The following CELF4 variants were observed in gnomAD, a reference collection of about 807,000 sequenced individuals.
The protein encoded by CELF4 is CUGBP Elav-like family member 4, also known as CUG-BP- and ETR-3-like factor 4.
In CELF4, 18 loss-of-function variants were observed where a neutral mutation model predicts 59.9. The observed-to-expected ratio is 0.30, with a 90% confidence interval of 0.21 to 0.45. The LOEUF (loss-of-function observed/expected upper bound fraction) is 0.45. Ranked by LOEUF, CELF4 falls within the 20% of genes least tolerant of loss-of-function variation. CELF4 has a pLI of 1.00. For synonymous variants in CELF4, 261 were observed against 267.1 expected (o/e 0.98, Z 0.22); for missense variants, 456 against 689.0 (o/e 0.66, Z 3.79).
chr18:37,253,805 C>A lies in CELF4; in HGVS notation c.*6G>T. 2.5e-6 allele frequency: 4 copies of A among 1,595,438 alleles called. No individual in the cohort carries two copies. Among genetic ancestry groups the A allele is most frequent in the African/African-American group, 1.4e-5 (1 of 73,324 alleles). On this transcript the variant is annotated 3_prime_UTR_variant, in exon 12 of 13. Coordinates refer to ENST00000420428, the MANE Select transcript of CELF4 (RefSeq NM_020180.4). This position sits in a 1 kb window ranked among gnomAD's most constrained non-coding sequence, Gnocchi z 4.5. ...GGTCTCCCCCGGGGGACGCTCCCGCCGGCGCTCAGTACGGGCGATTGGCGT... is the reference window on the plus strand; with the variant it reads ...GGTCTCCCCCGGGGGACGCTCCCGCAGGCGCTCAGTACGGGCGATTGGCGT...
intron 1 of CELF4, among the ~76,000 whole-genome samples, chr18:37,489,827 G>C (rs1025520699): frequency 6.6e-6 from 1 of 152,182 alleles, no homozygotes; most frequent in Non-Finnish European, 1.5e-5. Flanking sequence ...TGAGGCTTGA[G>C]AAGGTCTGTG....
In CELF4 at chr18:37,515,132, G is replaced by T. The variant is rs189597875; in HGVS notation, c.287-29525C>A. Among the ~76,000 whole-genome samples, 776 of 152,270 alleles carry T rather than the reference G, an allele frequency of 5.1e-3. 9 individuals carry two copies. The highest frequency in any genetic ancestry group is 0.018 in the African/African-American group (738 of 41,548). On this transcript the variant is annotated intron_variant, in intron 1 of 12. Transcript: ENST00000420428. ...ACTCTGGGCTTAAATCTGCATGAGA[G>T]CCAATTATCTCTCTTTGTCATCAAG...
chr18:37,250,234 A>C (rs1258585482), intron 12 of CELF4, among the ~76,000 whole-genome samples: 1 of 152,058 alleles, frequency 6.6e-6, no homozygotes, highest in African/African-American at 2.4e-5. Flanking sequence ...TTGCTTAGAG[A>C]AACTCCAGTC....
At chr18:37,468,416 G>A (rs1166414752) in intron 2 of CELF4, among the ~76,000 whole-genome samples, 1 of 152,178 alleles carries the variant, frequency 6.6e-6, no homozygotes, top group Admixed American at 6.5e-5. Context: ...GGCAGGGCAG[G>A]GGTTGGGAAG....
chr18:37,350,794 C>T (rs983706579), intron 2 of CELF4, among the ~76,000 whole-genome samples: 2 of 152,208 alleles, frequency 1.3e-5, no homozygotes, highest in Non-Finnish European at 2.9e-5. Context: ...ACTTAAGACC[C>T]CAGGATTCTG....
intron 10 of CELF4, among the ~76,000 whole-genome samples, chr18:37,261,749 G>A (rs1258959913): frequency 6.6e-6 from 1 of 152,234 alleles, no homozygotes; most frequent in Non-Finnish European, 1.5e-5. Flanking sequence ...AGCCATCCCT[G>A]AGGGCAACCT....
intron 3 of CELF4, among the ~76,000 whole-genome samples, chr18:37,293,418 A>G (rs1462857748): frequency 1.3e-5 from 2 of 152,040 alleles, no homozygotes; most frequent in Non-Finnish European, 2.9e-5. Context: ...CTCTCTCTGT[A>G]TGTTCTGTGT....
At chr18:37,372,434 G>C (rs2098907430) in intron 2 of CELF4, among the ~76,000 whole-genome samples, 2 of 152,180 alleles carry the variant, frequency 1.3e-5, no homozygotes, top group South Asian at 4.1e-4. Flanking sequence ...TGAACAATGA[G>C]AACACTTGGA....
intron 2 of CELF4, among the ~76,000 whole-genome samples, chr18:37,385,663 C>T (rs969816201): frequency 5.9e-5 from 9 of 152,208 alleles, no homozygotes. Flanking sequence ...GGCATGGAGC[C>T]AGCCCTCCCT....
At chr18:37,527,869 T>C (rs945491406) in intron 1 of CELF4, among the ~76,000 whole-genome samples, 10 of 152,188 alleles carry the variant, frequency 6.6e-5, no homozygotes, top group African/African-American at 2.4e-4. Context: ...CTGCATTTGA[T>C]TTCAGGCTGT....
intron 11 of CELF4, among the ~76,000 whole-genome samples, chr18:37,257,673 C>T (rs1002600636): frequency 1.3e-5 from 2 of 152,162 alleles, no homozygotes; most frequent in Non-Finnish European, 2.9e-5. Context: ...TCCCCTCCAC[C>T]ACCCCCAAGC....
chr18:37,259,280 GGGGT>G lies in CELF4; in HGVS notation c.1250-20_1250-17del. The G allele has an allele frequency of 1.0e-6, 1 of 971,630 alleles. No homozygotes were observed. Among genetic ancestry groups the G allele is most frequent in the Non-Finnish European group, 1.6e-6 (1 of 613,900 alleles). 60.2% of individuals were successfully genotyped at this position (971,630 alleles called of 1,614,324 possible). A position where few individuals can be genotyped will look rare whatever the true frequency, so the allele number is the denominator to read the frequency against. ...CCCTCGGGCCCTGCGGTGAGGGGAG[GGGGT>G]GGGCGGGGGAGGAGGGATGGCAGGG... On this transcript the variant is annotated splice_polypyrimidine_tract_variant and intron_variant, in intron 10 of 12. Coordinates refer to ENST00000420428, the MANE Select transcript of CELF4 (RefSeq NM_020180.4).
rs1462071534 is a variant in CELF4 at position 37,309,661 on chromosome 18, C to T, written c.448+12142G>A. On this transcript the variant is annotated intron_variant, in intron 3 of 12. Coordinates refer to ENST00000420428, the MANE Select transcript of CELF4 (RefSeq NM_020180.4). The stretch of plus-strand genomic sequence containing the variant: ...TAGAGGATGAGAAGAGACGACGTCC[C>T]CCAAATGCAGATACTATGCGCGTGT... 3.3e-5 allele frequency among the ~76,000 whole-genome samples: 5 copies of T among 152,106 alleles called. No homozygotes were observed. The South Asian group carries it at 1.0e-3, about 32-fold the overall frequency.
intron 3 of CELF4, among the ~76,000 whole-genome samples, chr18:37,297,328 G>T (rs776021126): frequency 1.3e-5 from 2 of 152,192 alleles, no homozygotes; most frequent in Non-Finnish European, 2.9e-5. Context: ...AAGCATTGCT[G>T]TCTTCAGAAT....
chr18:37,277,922 C>T (rs1344739520), intron 3 of CELF4, among the ~76,000 whole-genome samples: 7 of 152,176 alleles, frequency 4.6e-5, no homozygotes, highest in African/African-American at 9.7e-5. Context: ...GGGAACGCAC[C>T]TCCTCTGCCC....
At chr18:37,505,072 G>A (rs1433721255) in intron 1 of CELF4, among the ~76,000 whole-genome samples, 2 of 151,870 alleles carry the variant, frequency 1.3e-5, no homozygotes, top group Middle Eastern at 3.2e-3. Context: ...AAGTGCCTTG[G>A]GGTTCTCTGG....
At chr18:37,453,318 TTG>T (rs1166097107) in intron 2 of CELF4, among the ~76,000 whole-genome samples, 4 of 152,146 alleles carry the variant, frequency 2.6e-5, no homozygotes, top group African/African-American at 9.7e-5. Flanking sequence ...GAAAAACAGC[TTG>T]TGTTTGTGGG....
intron 2 of CELF4, among the ~76,000 whole-genome samples, chr18:37,437,687 T>A (rs1204394988): frequency 1.3e-5 from 2 of 152,192 alleles, no homozygotes; most frequent in African/African-American, 4.8e-5. Flanking sequence ...GCAGAGGAGT[T>A]GTCCTGGCTG....
In CELF4 at chr18:37,393,914, G is replaced by GAA. The variant is rs150014642; in HGVS notation, c.370-72034_370-72033insTT. On this transcript the variant is annotated intron_variant, in intron 2 of 12. Transcript: ENST00000420428. Reference sequence around the variant, plus strand: ...AATAATTCCAACTGCAAAGGCTAAGGGAAAAAAAAAAAGGCAAAAACACCC... The same window carrying GAA: ...AATAATTCCAACTGCAAAGGCTAAGGAAGAAAAAAAAAAAGGCAAAAACACCC... Among the ~76,000 whole-genome samples the GAA allele has an allele frequency of 1.6e-3, 213 of 136,208 alleles. 2 individuals carry two copies. Among genetic ancestry groups the GAA allele is most frequent in the African/African-American group, 4.9e-3 (178 of 36,010 alleles). The allele number at this position is 136,208 out of a possible 152,430, so 89.4% of individuals were successfully genotyped here.
Sources: gnomAD v4.1 joint callset for allele counts (sites outside exome capture counted in the v4.1 genomes callset) on GRCh38, gnomAD v4.1.1 for gene constraint, Gnocchi (gnomAD v3.1) non-coding constraint, MANE v1.5 for transcripts, NCBI Gene and HGNC (gene_info 2026-07-23, HGNC 2026-07-21) for gene names.